The following RBFOX1 variants were observed in gnomAD, a reference collection of about 807,000 sequenced individuals.
RBFOX1 encodes the protein RNA binding protein fox-1 homolog 1.
A neutral mutation model predicts 57.7 loss-of-function variants in RBFOX1; 8 were observed. The observed-to-expected ratio is 0.14, with a 90% CI of 0.08 to 0.25. RBFOX1 has a LOEUF of 0.25. Among genes scored for constraint, RBFOX1 ranks in the 10% least tolerant of loss-of-function variants. The pLI is 1.00. For synonymous variants in RBFOX1, 326 were observed against 222.4 expected (o/e 1.47, Z -4.15); for missense variants, 611 against 548.5 (o/e 1.11, Z -1.14).
chr16:6,919,906 C>T (rs2074088148), intron 3 of RBFOX1, among the ~76,000 whole-genome samples: 1 of 151,710 alleles, frequency 6.6e-6, no homozygotes, highest in African/African-American at 2.4e-5. Context: ...ACACTGTACC[C>T]AGTGTGTCAT....
intron 4 of RBFOX1, among the ~76,000 whole-genome samples, chr16:7,262,268 TA>T (rs2094947014): frequency 6.6e-6 from 1 of 152,114 alleles, no homozygotes; most frequent in Non-Finnish European, 1.5e-5. Flanking sequence ...TTGCTGTTGT[TA>T]AATCATTCTA....
At chr16:5,865,747 G>T (rs1442066917) in intron 3 of RBFOX1, among the ~76,000 whole-genome samples, 2 of 152,296 alleles carry the variant, frequency 1.3e-5, no homozygotes, top group Non-Finnish European at 2.9e-5. Flanking sequence ...ATGGACTGCA[G>T]CTTAACCAAC....
intron 3 of RBFOX1, among the ~76,000 whole-genome samples, chr16:6,943,839 C>G (rs938868915): frequency 2.6e-5 from 4 of 152,122 alleles, no homozygotes; most frequent in Admixed American, 2.6e-4. Context: ...AAACGCTGAG[C>G]TGTAACCATT....
At chr16:7,538,032 G>A (rs1027334717) in intron 5 of RBFOX1, among the ~76,000 whole-genome samples, 5 of 152,182 alleles carry the variant, frequency 3.3e-5, no homozygotes, top group African/African-American at 1.2e-4. Flanking sequence ...CATTGTCTGT[G>A]CCCGGAAAGA....
At chr16:5,515,053 A>T (rs928919435) in intron 2 of RBFOX1, among the ~76,000 whole-genome samples, 1 of 152,190 alleles carries the variant, frequency 6.6e-6, no homozygotes. Context: ...CTCTTTAACA[A>T]CCAACTCTCT....
intron 1 of RBFOX1, among the ~76,000 whole-genome samples, chr16:6,060,834 ACT>A (rs1475041656): frequency 6.6e-6 from 1 of 152,116 alleles, no homozygotes; most frequent in Non-Finnish European, 1.5e-5. Flanking sequence ...CAGAGATTAC[ACT>A]GTTTTTCCAG....
chr16:7,663,837 A>G (rs2068451371), intron 12 of RBFOX1, among the ~76,000 whole-genome samples: 1 of 152,208 alleles, frequency 6.6e-6, no homozygotes, highest in Non-Finnish European at 1.5e-5. Context: ...GATTCTCGTT[A>G]AACTCGTTTT....
intron 2 of RBFOX1, among the ~76,000 whole-genome samples, chr16:5,508,222 C>T (rs146212612): frequency 2.2e-3 from 334 of 152,310 alleles, no homozygotes; most frequent in African/African-American, 7.3e-3. Context: ...GCAATGCAGG[C>T]ATTGGCCAGG....
At chr16:7,288,514 C>A (rs2095695104) in intron 4 of RBFOX1, among the ~76,000 whole-genome samples, 1 of 152,164 alleles carries the variant, frequency 6.6e-6, no homozygotes, top group African/African-American at 2.4e-5. Context: ...GGCATAGTGT[C>A]TACACACAGT....
At chr16:6,938,715 T>G (rs73543256) in intron 3 of RBFOX1, among the ~76,000 whole-genome samples, 19,828 of 152,136 alleles carry the variant, frequency 0.13, 1,373 homozygotes, top group East Asian at 0.24. Context: ...TCGAATCACT[T>G]GAGATCAGAA....
intron 4 of RBFOX1, among the ~76,000 whole-genome samples, chr16:5,971,176 G>C (rs958451029): frequency 2.0e-5 from 3 of 152,224 alleles, no homozygotes; most frequent in Admixed American, 6.5e-5. Context: ...TCTGGGGATA[G>C]AGCAGTGAAC....
chr16:5,649,843 G>T (rs1301539678), intron 3 of RBFOX1, among the ~76,000 whole-genome samples: 1 of 152,218 alleles, frequency 6.6e-6, no homozygotes, highest in Non-Finnish European at 1.5e-5. Flanking sequence ...CAGGCTGGTG[G>T]ATTGCCCTTG....
At chr16:7,386,297 A>G (rs1422325184) in intron 4 of RBFOX1, among the ~76,000 whole-genome samples, 1 of 152,094 alleles carries the variant, frequency 6.6e-6, no homozygotes, top group Non-Finnish European at 1.5e-5. Context: ...GGTTTGTTAC[A>G]TAGCTATACA....
chr16:7,426,702 C>G (rs755429302), intron 4 of RBFOX1, among the ~76,000 whole-genome samples: 4 of 152,090 alleles, frequency 2.6e-5, no homozygotes, highest in African/African-American at 4.8e-5. Context: ...TTTTATCTGT[C>G]CTGTGGAAGG....
At chr16:5,547,217 A>G (rs1597473830) in intron 2 of RBFOX1, among the ~76,000 whole-genome samples, 1 of 152,202 alleles carries the variant, frequency 6.6e-6, no homozygotes, top group Non-Finnish European at 1.5e-5. Flanking sequence ...TTCAACATGC[A>G]CCTGTCATGT....
rs144568297 is a variant in RBFOX1, at chr16:7,382,099, A to G, written c.28-136048A>G. 1.5e-4 allele frequency among the ~76,000 whole-genome samples: 23 copies of G among 152,322 alleles called. 1 individual carries two copies. In the East Asian group the frequency reaches 2.1e-3, roughly 14 times the overall value. On this transcript the variant is annotated intron_variant, in intron 4 of 15. Coordinates refer to ENST00000550418, the MANE Select transcript of RBFOX1 (RefSeq NM_018723.4). ...GGATTACTGCCTAAAATAAAATTCA[A>G]CCTATTCTGAGAAAACAATATATTT...
At chr16:5,556,483 C>T (rs1423626727) in intron 2 of RBFOX1, among the ~76,000 whole-genome samples, 1 of 152,192 alleles carries the variant, frequency 6.6e-6, no homozygotes, top group East Asian at 1.9e-4. Flanking sequence ...TATCTTTTCC[C>T]CCCGCTTTTT....
intron 4 of RBFOX1, among the ~76,000 whole-genome samples, chr16:7,380,359 C>T (rs916469451): frequency 1.3e-5 from 2 of 152,234 alleles, no homozygotes; most frequent in Middle Eastern, 3.4e-3. Flanking sequence ...ATATTTTGTG[C>T]ATATTAAAAA....
intron 3 of RBFOX1, among the ~76,000 whole-genome samples, chr16:6,716,234 T>C (rs2064794890): frequency 6.6e-6 from 1 of 152,182 alleles, no homozygotes; most frequent in Admixed American, 6.5e-5. Flanking sequence ...TTGCTTCTCT[T>C]AGTATGTATT....
Sources: gnomAD v4.1 joint callset for allele counts (sites outside exome capture counted in the v4.1 genomes callset) on GRCh38, gnomAD v4.1.1 for gene constraint, MANE v1.5 for transcripts, NCBI Gene and HGNC (gene_info 2026-07-23, HGNC 2026-07-21) for gene names.